PRUNE1: variants seen among roughly 807,000 people sequenced by gnomAD.
PRUNE1 encodes the protein exopolyphosphatase PRUNE1.
PRUNE1 carries 25 observed loss-of-function variants against 42.5 expected under a neutral mutation model. The observed-to-expected ratio is 0.59, with a 90% CI of 0.43 to 0.82. The LOEUF is 0.82. Ranked by LOEUF, PRUNE1 falls within the 40% of genes least tolerant of loss-of-function variation. PRUNE1 has a pLI of 0.00. For missense variants in PRUNE1, 443 were observed against 539.3 expected (o/e 0.82, Z 1.77); for synonymous variants, 203 against 217.1 (o/e 0.93, Z 0.57).
At chr1:151,029,753 G>C (rs1308589490) in intron 7 of PRUNE1, among the ~76,000 whole-genome samples, 1 of 151,782 alleles carries the variant, frequency 6.6e-6, no homozygotes, top group African/African-American at 2.4e-5. Flanking sequence ...CTCTATTCTT[G>C]GTTTAATCAT....
intron 3 of PRUNE1, 77 bp downstream of exon 3, chr1:151,018,746 G>T (rs1344077167): frequency 2.2e-6 from 3 of 1,386,198 alleles, no homozygotes; most frequent in Non-Finnish European, 3.0e-6. Context: ...AAGAGAGGAA[G>T]AAAGAGTTTT....
At chr1:151,033,391 C>CTT (rs1409975062) in intron 7 of PRUNE1, among the ~76,000 whole-genome samples, 17 of 126,784 alleles carry the variant, frequency 1.3e-4, no homozygotes, top group African/African-American at 3.7e-4. Flanking sequence ...GGCTGACTTA[C>CTT]TTTTTTTTTT....
At chr1:151,016,950 C>T (rs587640007) in intron 1 of PRUNE1, among the ~76,000 whole-genome samples, 77 of 151,232 alleles carry the variant, frequency 5.1e-4, no homozygotes, top group African/African-American at 1.8e-3. Flanking sequence ...CACCTGAGGT[C>T]GGGAGTTCGA....
In PRUNE1 at chr1:151,027,781, T is replaced by TGC. The variant is rs1553254126; in HGVS notation, c.774+462_774+463dup. ...GTGTGTGTGTGTGTGTGTGTGTGTG[T>TGC]GCGCGCGCGTGTATGTATGTGTCGA... On this transcript the variant is annotated intron_variant, in intron 6 of 7. Coordinates refer to ENST00000271620, the MANE Select transcript of PRUNE1 (RefSeq NM_021222.3). Among the ~76,000 whole-genome samples, 1,297 of 142,560 alleles carry TGC rather than the reference T, an allele frequency of 9.1e-3. 17 individuals are homozygous for TGC. The highest frequency in any genetic ancestry group is 0.027 in the African/African-American group (1,005 of 37,764). The allele number at this position is 142,560 out of a possible 152,430, so 93.5% of individuals were successfully genotyped here.
chr1:151,024,495 CAA>C (rs370589960), intron 3 of PRUNE1, 114 bp from the exon 4 acceptor site: 154 of 807,458 alleles, frequency 1.9e-4, no homozygotes, highest in South Asian at 2.7e-4. Flanking sequence ...AACTCCGTCT[CAA>C]AAAAAAAAAG....
intron 3 of PRUNE1, among the ~76,000 whole-genome samples, chr1:151,021,877 A>G (rs1213569023): frequency 6.6e-6 from 1 of 151,702 alleles, no homozygotes; most frequent in Non-Finnish European, 1.5e-5. Flanking sequence ...CATGTTGGTC[A>G]GGCTGGTCTT....
At chr1:151,029,120 C>T (rs1479795817) in intron 7 of PRUNE1, among the ~76,000 whole-genome samples, 176 bp downstream of exon 7, 2 of 150,024 alleles carry the variant, frequency 1.3e-5, no homozygotes, top group Non-Finnish European at 2.9e-5. Flanking sequence ...TTTTCCCATT[C>T]TCTCTCTATA....
chr1:151,028,527 G>T (rs191542856), intron 6 of PRUNE1, among the ~76,000 whole-genome samples: 2 of 151,856 alleles, frequency 1.3e-5, no homozygotes, highest in African/African-American at 2.4e-5. Context: ...TGGTTCAAGC[G>T]ATTCTCCTGC....
At chr1:151,018,018 T>A in intron 2 of PRUNE1, 114 bp downstream of exon 2, 1 of 726,568 alleles carries the variant, frequency 1.4e-6, no homozygotes, top group Non-Finnish European at 2.4e-6. Flanking sequence ...TTAAATCCCT[T>A]AACTTTGCTG....
chr1:151,020,230 C>T (rs983575725), intron 3 of PRUNE1, among the ~76,000 whole-genome samples: 1 of 144,356 alleles, frequency 6.9e-6, no homozygotes, highest in Non-Finnish European at 1.5e-5. Flanking sequence ...AGACCCTGTT[C>T]TCTAAAAAAA....
At chr1:151,022,260 C>T (rs1183681913) in intron 3 of PRUNE1, among the ~76,000 whole-genome samples, 4 of 151,214 alleles carry the variant, frequency 2.6e-5, no homozygotes, top group Admixed American at 1.3e-4. Flanking sequence ...AAGCATGCGC[C>T]ACCACACCCA....
At chr1:151,027,387 A>T (rs55717234) in intron 6 of PRUNE1, 60 bp downstream of exon 6, 62 of 1,255,584 alleles carry the variant, frequency 4.9e-5, no homozygotes, top group Non-Finnish European at 6.9e-5. Context: ...CATGTTATGC[A>T]TGTGGCCTTG....
At chr1:151,012,184 G>A (rs980914862) in intron 1 of PRUNE1, among the ~76,000 whole-genome samples, 2 of 151,930 alleles carry the variant, frequency 1.3e-5, no homozygotes, top group Admixed American at 6.6e-5. Flanking sequence ...TCCTCATGCT[G>A]CTAAGTATAG....
At chr1:151,010,438 A>C (rs1302792263) in intron 1 of PRUNE1, among the ~76,000 whole-genome samples, 1 of 152,136 alleles carries the variant, frequency 6.6e-6, no homozygotes, top group Non-Finnish European at 1.5e-5. Context: ...TGATTTTTCC[A>C]ATACTGCTGG....
intron 5 of PRUNE1, 37 bp downstream of exon 5, chr1:151,025,710 A>G (rs1674787306): frequency 1.3e-6 from 2 of 1,574,680 alleles, no homozygotes; most frequent in East Asian, 4.5e-5. Context: ...CCTCCCAGAT[A>G]AGAAAACAGA....
At chr1:151,026,440 G>A (rs58564605) in intron 5 of PRUNE1, among the ~76,000 whole-genome samples, 65,502 of 151,310 alleles carry the variant, frequency 0.43, 15,484 homozygotes, top group African/African-American at 0.62. Context: ...CTTGGGCAAC[G>A]ACAGCGAAAC....
chr1:151,014,995 C>A (rs1674009792), intron 1 of PRUNE1, among the ~76,000 whole-genome samples: 1 of 151,944 alleles, frequency 6.6e-6, no homozygotes. Flanking sequence ...AGTTCGAGAT[C>A]AGCATGGGCA....
rs1675431221 is a variant in PRUNE1, at chr1:151,034,286, G to T, written c.*52G>T. On this transcript the variant is annotated 3_prime_UTR_variant, in exon 8 of 8. Transcript: ENST00000271620. Reference sequence around the variant, plus strand: ...TGAGGCTACCTGACTCACTTCAAATGCATGTTTTGAGATGTTTGGAGATTC... The same window carrying T: ...TGAGGCTACCTGACTCACTTCAAATTCATGTTTTGAGATGTTTGGAGATTC... 6.5e-7 allele frequency: 1 copy of T among 1,533,578 alleles called. No homozygotes were observed. Among genetic ancestry groups the T allele is most frequent in the Non-Finnish European group, 8.9e-7 (1 of 1,123,950 alleles). 95.0% of individuals were successfully genotyped at this position (1,533,578 alleles called of 1,614,324 possible). A position where few individuals can be genotyped will look rare whatever the true frequency, so the allele number is the denominator to read the frequency against.
At chr1:151,010,350 T>C (rs1673700012) in intron 1 of PRUNE1, among the ~76,000 whole-genome samples, 2 of 152,190 alleles carry the variant, frequency 1.3e-5, no homozygotes, top group African/African-American at 2.4e-5. Context: ...TCCCAAGGTG[T>C]TGGAATTACA....
Sources: gnomAD v4.1 joint callset for allele counts (sites outside exome capture counted in the v4.1 genomes callset) on GRCh38, gnomAD v4.1.1 for gene constraint, MANE v1.5 for transcripts, NCBI Gene and HGNC (gene_info 2026-07-23, HGNC 2026-07-21) for gene names.